The following PRKG1 variants were observed in gnomAD, a reference collection of about 807,000 sequenced individuals.
PRKG1 encodes cGMP-dependent protein kinase 1.
Under a neutral mutation model 88.1 loss-of-function variants are expected in PRKG1, and 35 were observed. The observed-to-expected ratio is 0.40, with a 90% CI of 0.30 to 0.53. The LOEUF (loss-of-function observed/expected upper bound fraction) is 0.53. Among genes scored for constraint, PRKG1 ranks in the 20% least tolerant of loss-of-function variants. The pLI, the probability that PRKG1 is intolerant of heterozygous loss-of-function variation, is 0.59. For missense variants in PRKG1, 540 were observed against 839.8 expected, an observed-to-expected ratio of 0.64 and a Z score of 4.41; for synonymous variants, 303 against 292.5, an observed-to-expected ratio of 1.04 and a Z score of -0.37.
intron 4 of PRKG1, among the ~76,000 whole-genome samples, chr10:51,818,776 G>A (rs2132722935): frequency 7.2e-6 from 1 of 138,388 alleles, no homozygotes; most frequent in African/African-American, 3.2e-5. Context: ...GGGAGGCCGA[G>A]GCGGGCGGAT....
intron 3 of PRKG1, among the ~76,000 whole-genome samples, chr10:51,501,790 CTT>C (rs5784871): frequency 1.0e-3 from 119 of 113,764 alleles, no homozygotes; most frequent in African/African-American, 2.6e-3. Context: ...ACTTTAGTTT[CTT>C]TTTTTTTTTT....
intron 1 of PRKG1, among the ~76,000 whole-genome samples, chr10:51,086,072 G>A (rs994637562): frequency 2.0e-5 from 3 of 152,038 alleles, no homozygotes; most frequent in Non-Finnish European, 2.9e-5. Flanking sequence ...TTCTCTTGTT[G>A]GAAAAAAAGG....
intron 1 of PRKG1, among the ~76,000 whole-genome samples, chr10:51,045,343 A>G (rs1843474085): frequency 6.7e-6 from 1 of 148,574 alleles, no homozygotes; most frequent in South Asian, 2.1e-4. Context: ...ATTTTTTGAG[A>G]TGGAGTCTCC....
chr10:51,461,904 C>T (rs572931207), intron 2 of PRKG1, among the ~76,000 whole-genome samples: 1 of 152,152 alleles, frequency 6.6e-6, no homozygotes, highest in Non-Finnish European at 1.5e-5. Context: ...GACAGCACCC[C>T]CCATCTAAAA....
chr10:52,114,854 A>G (rs1182077073), intron 7 of PRKG1, among the ~76,000 whole-genome samples: 2 of 152,124 alleles, frequency 1.3e-5, no homozygotes, highest in African/African-American at 2.4e-5. Flanking sequence ...GCACGTCAGC[A>G]TTCATAGAGA....
chr10:51,878,250 ATGTGTG>A (rs57901574), intron 4 of PRKG1, among the ~76,000 whole-genome samples: 32 of 150,970 alleles, frequency 2.1e-4, no homozygotes, highest in Admixed American at 8.6e-4. Flanking sequence ...GTGTGAATAT[ATGTGTG>A]TGTGTGTGTA....
chr10:52,251,957 T>C, intron 10 of PRKG1: 1 of 230,368 alleles, frequency 4.3e-6, no homozygotes, highest in Non-Finnish European at 8.5e-6. Context: ...AAGAACTTCT[T>C]ACCCAACTAA....
intron 4 of PRKG1, among the ~76,000 whole-genome samples, chr10:51,847,763 T>A (rs1589349627): frequency 7.4e-6 from 1 of 134,990 alleles, no homozygotes; most frequent in East Asian, 2.3e-4. Flanking sequence ...GTAGTCCCAG[T>A]GGCCAGGGAG....
intron 2 of PRKG1, among the ~76,000 whole-genome samples, chr10:51,168,450 AT>A (rs1231420788): frequency 6.6e-6 from 1 of 152,172 alleles, no homozygotes; most frequent in Non-Finnish European, 1.5e-5. Context: ...ATTTATTATT[AT>A]TTTTAAGTGA....
At chr10:52,055,310 G>A (rs1212460534) in intron 6 of PRKG1, among the ~76,000 whole-genome samples, 3 of 152,166 alleles carry the variant, frequency 2.0e-5, no homozygotes, top group Non-Finnish European at 4.4e-5. Context: ...ATACTCTGAG[G>A]ATGATAAGGA....
chr10:52,147,087 T>A (rs1837748710), intron 8 of PRKG1, among the ~76,000 whole-genome samples: 1 of 152,188 alleles, frequency 6.6e-6, no homozygotes, highest in Non-Finnish European at 1.5e-5. Context: ...TTCTTTGTTC[T>A]GGAAAAGAAT....
At position 51,984,173 on chromosome 10, in the gene PRKG1, C is replaced by CA. The variant is rs1341348897; in HGVS notation, c.763-70308dup. On this transcript the variant is annotated intron_variant, in intron 5 of 17. Transcript: ENST00000373980. ...GAAAACTTCTCTGTGAGGCATGTTA[C>CA]AAAGGGTGATATGAGAAATTACTTG... is the stretch of plus-strand genomic sequence containing the variant. Among the ~76,000 whole-genome samples the CA allele has an allele frequency of 2.0e-5, 3 of 152,164 alleles. No individual in the cohort carries two copies. In the East Asian group the frequency reaches 5.8e-4, roughly 29 times the overall value.
At chr10:51,419,044 G>A (rs59295797) in intron 2 of PRKG1, among the ~76,000 whole-genome samples, 4,570 of 152,108 alleles carry the variant, frequency 0.03, 83 homozygotes, top group Non-Finnish European at 0.041. Context: ...TAATCCAATA[G>A]GAAACCATAC....
intron 2 of PRKG1, among the ~76,000 whole-genome samples, chr10:51,388,411 C>T (rs1402708451): frequency 6.6e-6 from 1 of 152,166 alleles, no homozygotes; most frequent in Non-Finnish European, 1.5e-5. Context: ...CCACACAAAT[C>T]TCTTTTGATG....
intron 2 of PRKG1, among the ~76,000 whole-genome samples, chr10:51,257,690 AT>A (rs113631718): frequency 1.6e-3 from 227 of 146,316 alleles, no homozygotes; most frequent in African/African-American, 4.1e-3. Flanking sequence ...AAGAAAGCTC[AT>A]TTTTTTTTTT....
intron 4 of PRKG1, among the ~76,000 whole-genome samples, chr10:51,846,431 C>T (rs1248606324): frequency 6.6e-6 from 1 of 152,060 alleles, no homozygotes; most frequent in Admixed American, 6.6e-5. Context: ...TGATCATGAC[C>T]TTCGCCATCA....
At chr10:51,718,109 C>T (rs1340114764) in intron 3 of PRKG1, among the ~76,000 whole-genome samples, 3 of 152,062 alleles carry the variant, frequency 2.0e-5, no homozygotes, top group Non-Finnish European at 2.9e-5. Flanking sequence ...AGTTTACATT[C>T]AAGTGGTGCT....
intron 3 of PRKG1, among the ~76,000 whole-genome samples, chr10:51,748,365 G>A (rs185081236): frequency 6.6e-6 from 1 of 152,102 alleles, no homozygotes; most frequent in Non-Finnish European, 1.5e-5. Flanking sequence ...ATATACTAAT[G>A]GTGCTGAAGG....
At chr10:52,184,015 C>G (rs1415770028) in intron 9 of PRKG1, among the ~76,000 whole-genome samples, 1 of 152,194 alleles carries the variant, frequency 6.6e-6, no homozygotes. Context: ...AGGTGCCTCC[C>G]TGCTGCCCTC....
Sources: gnomAD v4.1 joint callset for allele counts (sites outside exome capture counted in the v4.1 genomes callset) on GRCh38, gnomAD v4.1.1 for gene constraint, MANE v1.5 for transcripts, NCBI Gene and HGNC (gene_info 2026-07-23, HGNC 2026-07-21) for gene names.